FAM83E: variants seen among roughly 807,000 people sequenced by gnomAD.
FAM83E encodes the protein scaffolding CK1 anchoring protein E, also known as protein FAM83E.
In FAM83E, 29 loss-of-function variants were observed where a neutral mutation model predicts 34.3. The observed-to-expected ratio is 0.85, with a 90% CI of 0.63 to 1.15. FAM83E has a LOEUF of 1.15. Among genes scored for constraint, FAM83E ranks in the 50% most tolerant of loss-of-function variants. The pLI, the probability that FAM83E is intolerant of heterozygous loss-of-function variation, is 0.00. For missense variants in FAM83E, 697 were observed against 685.0 expected, an observed-to-expected ratio of 1.02 and a Z score of -0.20; for synonymous variants, 312 against 311.6, an observed-to-expected ratio of 1.00 and a Z score of -0.01.
At position 48,601,159 on chromosome 19, in the gene FAM83E, C is replaced by T. The variant is rs901009581; in HGVS notation, c.1387G>A (p.Val463Ile). The change falls in exon 7 of 7, where the codon GTC becomes ATC. Residue 463 changes from valine to isoleucine, a missense_variant. Transcript: ENST00000263266. ...CGGGGGGCCCAGTCTGACGGCCTGA[C>T]GCCTCTGGGCTCTTGAAGTTTGAAT... Reference protein sequence around the residue: ...ATFKLQEPRGVRPSDWAPRAG... With the variant: ...ATFKLQEPRGIRPSDWAPRAG... 1.4e-5 allele frequency: 22 copies of T among 1,613,148 alleles called. No homozygotes were observed. The highest frequency in any genetic ancestry group is 4.0e-5 in the African/African-American group (3 of 75,038).
intron 5 of FAM83E, chr19:48,607,432 T>C: frequency 6.7e-7 from 1 of 1,483,876 alleles, no homozygotes; most frequent in African/African-American, 1.4e-5. Flanking sequence ...CCCCACTAAA[T>C]GGCCAGAGAG....
At position 48,613,972 on chromosome 19, in the gene FAM83E, G is replaced by A. The variant is rs1344684062; in HGVS notation, c.-600C>T. On this transcript the variant is annotated 5_prime_UTR_variant, in exon 3 of 7. Transcript: ENST00000263266. ...CTTCCACTGTCTGGCAAACGCCAAT[G>A]GCTTCCGACTGACAGTCACAGTATC... 1 of 985,270 alleles carries A rather than the reference G, an allele frequency of 1.0e-6. No homozygotes were observed. Among genetic ancestry groups the A allele is most frequent in the African/African-American group, 1.7e-5 (1 of 57,218 alleles). 61.0% of individuals were successfully genotyped at this position (985,270 alleles called of 1,614,324 possible).
At chr19:48,602,555 C>T (rs1403890294) in intron 6 of FAM83E, among the ~76,000 whole-genome samples, 3 of 150,276 alleles carry the variant, frequency 2.0e-5, no homozygotes. Flanking sequence ...TGAGGGTGCT[C>T]AGGACCAGGT....
At chr19:48,610,634 T>A in intron 4 of FAM83E, 46 bp downstream of exon 4, 3 of 1,533,558 alleles carry the variant, frequency 2.0e-6, no homozygotes, top group Non-Finnish European at 2.6e-6. Flanking sequence ...ACTGCCCCCA[T>A]GCCAGGGGAA....
intron 3 of FAM83E, among the ~76,000 whole-genome samples, chr19:48,612,097 C>T (rs539680748): frequency 6.6e-6 from 1 of 152,288 alleles, no homozygotes; most frequent in Admixed American, 6.5e-5. Flanking sequence ...ATTTAACCGC[C>T]CCCGTGCCTC....
chr19:48,606,218 C>T (rs977534589), intron 5 of FAM83E, among the ~76,000 whole-genome samples: 2 of 152,086 alleles, frequency 1.3e-5, no homozygotes, highest in South Asian at 2.1e-4. Context: ...GGCTGAGTTA[C>T]GAGAATCGCT....
intron 6 of FAM83E, 27 bp downstream of exon 6, chr19:48,603,467 C>G: frequency 1.3e-6 from 2 of 1,527,788 alleles, no homozygotes; most frequent in East Asian, 2.6e-5. Context: ...TGGGCTCCAT[C>G]TTCTGGCACC....
At chr19:48,611,916 TCTGGGTG>T (rs1974047856) in intron 3 of FAM83E, among the ~76,000 whole-genome samples, 1 of 152,276 alleles carries the variant, frequency 6.6e-6, no homozygotes, top group Non-Finnish European at 1.5e-5. Flanking sequence ...TGTGGAATTT[TCTGGGTG>T]CTGGGTGCAG....
chr19:48,604,237 C>A (rs186957306), intron 5 of FAM83E, among the ~76,000 whole-genome samples: 5,495 of 150,338 alleles, frequency 0.037, 342 homozygotes, highest in African/African-American at 0.12. Flanking sequence ...TACAAAAAAT[C>A]AAAAAAACTA....
At position 48,600,650 on chromosome 19, in the gene FAM83E, CT is replaced by C. The variant is rs780157808; in HGVS notation, c.*458del. On this transcript the variant is annotated 3_prime_UTR_variant, in exon 7 of 7. Coordinates refer to ENST00000263266, the MANE Select transcript of FAM83E (RefSeq NM_017708.4). The stretch of plus-strand genomic sequence containing the variant: ...CGATCAGCCTTTCTTTTTCTTTTTT[CT>C]TTTTTTTTTTTTTTTAAAGAGATGG... Among the ~76,000 whole-genome samples the C allele has an allele frequency of 0.011, 1,512 of 136,516 alleles. 15 individuals are homozygous for C. Among genetic ancestry groups the C allele is most frequent in the African/African-American group, 0.025 (916 of 37,274 alleles). 89.6% of individuals were successfully genotyped at this position (136,516 alleles called of 152,430 possible). A position where few individuals can be genotyped will look rare whatever the true frequency, so the allele number is the denominator to read the frequency against.
rs35826197 is a variant in FAM83E at position 48,611,466 on chromosome 19, C to CT, written c.466-620dup. Among the ~76,000 whole-genome samples the CT allele has an allele frequency of 3.0e-3, 446 of 150,902 alleles. 4 individuals are homozygous for CT. Among genetic ancestry groups the CT allele is most frequent in the African/African-American group, 9.9e-3 (409 of 41,110 alleles). On this transcript the variant is annotated intron_variant, in intron 3 of 6. Coordinates refer to ENST00000263266, the MANE Select transcript of FAM83E (RefSeq NM_017708.4). ...TACAGGAGTGAGCCACCACGCCCGGCTTTTTTTTTCTTTTTTTAAAAGACG... is the reference window on the plus strand; with the variant it reads ...TACAGGAGTGAGCCACCACGCCCGGCTTTTTTTTTTCTTTTTTTAAAAGACG...
At chr19:48,609,675 G>C (rs1974005138) in intron 5 of FAM83E, among the ~76,000 whole-genome samples, 1 of 152,142 alleles carries the variant, frequency 6.6e-6, no homozygotes, top group Non-Finnish European at 1.5e-5. Flanking sequence ...AAGAGAAGCA[G>C]ACTTACCCAA....
At chr19:48,612,325 G>T (rs943243995) in intron 3 of FAM83E, among the ~76,000 whole-genome samples, 3 of 152,090 alleles carry the variant, frequency 2.0e-5, no homozygotes, top group Admixed American at 2.0e-4. Flanking sequence ...CTGAGACTGG[G>T]GGTGTCATAA....
intron 6 of FAM83E, among the ~76,000 whole-genome samples, chr19:48,602,854 T>G: frequency 7.1e-6 from 1 of 140,472 alleles, no homozygotes; most frequent in Middle Eastern, 3.7e-3. Flanking sequence ...TTATTATTAT[T>G]ATTATTATTA....
At chr19:48,610,037 A>G (rs1974014151) in intron 4 of FAM83E, 37 bp from the exon 5 acceptor site, 6 of 1,600,632 alleles carry the variant, frequency 3.7e-6, no homozygotes, top group Middle Eastern at 3.3e-4. Flanking sequence ...ACCCTTGCTG[A>G]GGCCCACTGC....
At chr19:48,604,229 C>CA (rs375440114) in intron 5 of FAM83E, among the ~76,000 whole-genome samples, 4 of 150,090 alleles carry the variant, frequency 2.7e-5, no homozygotes, top group African/African-American at 2.5e-5. Flanking sequence ...CCTATCTCTA[C>CA]AAAAAATCAA....
In FAM83E at chr19:48,613,159, C is replaced by T. The variant is rs552900271; in HGVS notation, c.214G>A (p.Glu72Lys). Reference sequence around the variant, plus strand: ...TCCTGCTTGGCCACTGTCCAGTCTTCAGCTGCCGCTGCCAAGCCCTGAACC... The same window carrying T: ...TCCTGCTTGGCCACTGTCCAGTCTTTAGCTGCCGCTGCCAAGCCCTGAACC... Reference protein sequence around the residue: ...DEVQGLAAAAEDWTVAKQEPS... With the variant: ...DEVQGLAAAAKDWTVAKQEPS... The change falls in exon 3 of 7, where the codon GAA becomes AAA. Residue 72 changes from glutamate to lysine, a missense_variant. Glu to Lys is a moderately conservative substitution (Grantham distance 56). Coordinates refer to ENST00000263266, the MANE Select transcript of FAM83E (RefSeq NM_017708.4). The T allele has an allele frequency of 6.2e-7, 1 of 1,611,996 alleles. No individual in the cohort carries two copies. Among genetic ancestry groups the T allele is most frequent in the East Asian group, 2.2e-5 (1 of 44,882 alleles).
At chr19:48,612,051 G>A (rs1974050586) in intron 3 of FAM83E, among the ~76,000 whole-genome samples, 2 of 152,150 alleles carry the variant, frequency 1.3e-5, no homozygotes, top group Admixed American at 1.3e-4. Flanking sequence ...AGACAGCCTG[G>A]GTTCAAATCC....
At chr19:48,614,685 T>TCCCCCCCAC in intron 2 of FAM83E, 23 bp downstream of exon 2, 3 of 251,618 alleles carry the variant, frequency 1.2e-5, no homozygotes, top group Non-Finnish European at 1.7e-5. Context: ...CCCTCACCCA[T>TCCCCCCCAC]CCCCCCCATC....
Sources: gnomAD v4.1 joint callset for allele counts (sites outside exome capture counted in the v4.1 genomes callset) on GRCh38, gnomAD v4.1.1 for gene constraint, MANE v1.5 for transcripts, NCBI Gene and HGNC (gene_info 2026-07-23, HGNC 2026-07-21) for gene names.